The following DEPDC4 variants were observed in gnomAD, a reference collection of about 807,000 sequenced individuals.
DEPDC4 encodes the protein DEP domain-containing protein 4.
DEPDC4 carries 52 observed loss-of-function variants against 52.0 expected under a neutral mutation model. That is an observed-to-expected ratio of 1.00 (90% confidence interval 0.80 to 1.26). DEPDC4 has a LOEUF of 1.26. Ranked by LOEUF, DEPDC4 falls within the 50% of genes most tolerant of loss-of-function variation. The pLI, the probability that DEPDC4 is intolerant of heterozygous loss-of-function variation, is 0.00. For synonymous variants in DEPDC4, 201 were observed against 196.8 expected (o/e 1.02, Z -0.18); for missense variants, 530 against 546.9 (o/e 0.97, Z 0.31).
chr12:100,271,422 T>C (rs1375382771), upstream of DEPDC4, among the ~76,000 whole-genome samples: 2 of 152,220 alleles, frequency 1.3e-5, no homozygotes, highest in Non-Finnish European at 2.9e-5. Flanking sequence ...AATGTAATTC[T>C]TGAATGTAAT....
At chr12:100,236,223 A>G (rs10778047), downstream of DEPDC4, among the ~76,000 whole-genome samples, 32,429 of 152,108 alleles carry the variant, frequency 0.21, 3,796 homozygotes, top group African/African-American at 0.25. Context: ...TGGGATTGCT[A>G]AATCAAATGA....
At chr12:100,267,200 C>A, upstream of DEPDC4, 1 of 1,066,880 alleles carries the variant, frequency 9.4e-7, no homozygotes, top group Non-Finnish European at 1.3e-6. Flanking sequence ...CTCCCTTACT[C>A]TTCGTCCCCG....
At chr12:100,281,252 C>T in the DEPDC4 span, among the ~76,000 whole-genome samples, 8 of 152,084 alleles carry the variant, frequency 5.3e-5, no homozygotes, top group Middle Eastern at 3.4e-3. Context: ...TGGTCTTGAA[C>T]TCGTGAGCTC....
At chr12:100,254,868 T>A (rs565467028) in intron 4 of DEPDC4, among the ~76,000 whole-genome samples, 1 of 152,266 alleles carries the variant, frequency 6.6e-6, no homozygotes, top group African/African-American at 2.4e-5. Flanking sequence ...ACTATAGACA[T>A]GTGCTGTCTT....
At chr12:100,276,157 A>G in the DEPDC4 span, among the ~76,000 whole-genome samples, 1 of 152,188 alleles carries the variant, frequency 6.6e-6, no homozygotes, top group Non-Finnish European at 1.5e-5. Flanking sequence ...ACATAACATG[A>G]AATGGAAAGT....
rs565960357 is a variant in DEPDC4 at position 100,255,641 on chromosome 12, A to G, written c.878+408T>C. On this transcript the variant is annotated intron_variant, in intron 4 of 9. Transcript: ENST00000550587. Reference sequence around the variant, plus strand: ...AATCTCTTATCTACAAATTAGGCCGATTTTATGATAGGGCTTATCTTTCAG... The same window carrying G: ...AATCTCTTATCTACAAATTAGGCCGGTTTTATGATAGGGCTTATCTTTCAG... Among the ~76,000 whole-genome samples, 3 of 152,180 alleles carry G rather than the reference A, an allele frequency of 2.0e-5. No homozygotes were observed. The South Asian group carries it at 6.2e-4, about 32-fold the overall frequency.
the DEPDC4 span, among the ~76,000 whole-genome samples, chr12:100,274,729 G>A: frequency 6.6e-6 from 1 of 152,204 alleles, no homozygotes; most frequent in East Asian, 1.9e-4. Flanking sequence ...GAACAAAGAA[G>A]TGGTTAAGGA....
chr12:100,234,863 T>A (rs970415191), intron 9 of DEPDC4, among the ~76,000 whole-genome samples: 1 of 152,202 alleles, frequency 6.6e-6, no homozygotes, highest in African/African-American at 2.4e-5. Context: ...TAATTCTTTT[T>A]AAGCCTAATA....
At chr12:100,275,421 C>T in the DEPDC4 span, among the ~76,000 whole-genome samples, 1 of 152,112 alleles carries the variant, frequency 6.6e-6, no homozygotes, top group African/African-American at 2.4e-5. Context: ...ATCTCAAACT[C>T]CTGTACTCAA....
chr12:100,267,526 G>T (rs550945935), upstream of DEPDC4: 1 of 153,574 alleles, frequency 6.5e-6, no homozygotes, highest in South Asian at 1.9e-4. Context: ...GCTCAGGCTG[G>T]TGGGTGTTGC....
chr12:100,243,694 A>G (rs961002402), intron 8 of DEPDC4, among the ~76,000 whole-genome samples: 11 of 151,830 alleles, frequency 7.2e-5, no homozygotes, highest in African/African-American at 2.7e-4. Flanking sequence ...GCAGATCAGT[A>G]TGCTAAAATC....
At chr12:100,233,894 T>C (rs923838260) in intron 9 of DEPDC4, among the ~76,000 whole-genome samples, 1 of 152,150 alleles carries the variant, frequency 6.6e-6, no homozygotes, top group African/African-American at 2.4e-5. Flanking sequence ...AAAATTTTTT[T>C]TGGAGTTAGA....
chr12:100,236,474 G>T (rs956746409), downstream of DEPDC4, among the ~76,000 whole-genome samples: 6 of 151,886 alleles, frequency 4.0e-5, no homozygotes, highest in African/African-American at 1.5e-4. Flanking sequence ...ATGTTTGTTG[G>T]TCATTTGTAT....
At chr12:100,245,061 G>C (rs2096179428) in intron 8 of DEPDC4, among the ~76,000 whole-genome samples, 1 of 151,042 alleles carries the variant, frequency 6.6e-6, no homozygotes, top group African/African-American at 2.4e-5. Context: ...TAGTAGAGAT[G>C]GGGTTTCACT....
chr12:100,263,479 A>T lies in DEPDC4; in HGVS notation c.554+18T>A, dbSNP rs753240274. ...GGGTCTAAATAAAATATATTACAGT[A>T]TCTTAGGTAACACTAACCTCAAGGT... On this transcript the variant is annotated intron_variant, in intron 2 of 9. Transcript: ENST00000550587. 1 of 1,544,816 alleles carries T rather than the reference A, an allele frequency of 6.5e-7. No homozygotes were observed. Among genetic ancestry groups the T allele is most frequent in the Non-Finnish European group, 8.7e-7 (1 of 1,149,084 alleles).
chr12:100,233,858 A>C (rs894768901), intron 9 of DEPDC4, among the ~76,000 whole-genome samples: 5 of 152,238 alleles, frequency 3.3e-5, no homozygotes, highest in South Asian at 2.1e-4. Flanking sequence ...AAGTTATATA[A>C]GAAGAAAAAC....
chr12:100,245,423 TGCTGGGC>T (rs2096181009), intron 8 of DEPDC4, among the ~76,000 whole-genome samples: 1 of 152,086 alleles, frequency 6.6e-6, no homozygotes. Context: ...CCCACCACCA[TGCTGGGC>T]TAATCTTTGT....
At chr12:100,238,148 A>G, downstream of DEPDC4, 2 of 680,690 alleles carry the variant, frequency 2.9e-6, no homozygotes, top group Non-Finnish European at 3.6e-6. Flanking sequence ...AGATTAGGGC[A>G]GTTTTATCTT....
Position 100,253,520 on chromosome 12 carries a change from A to G in DEPDC4, c.1074T>C (p.Phe358=). ...GTTCAATAATTCCTGAATGAATATC[A>G]AAATACTCATCAGTTAATAGGCAAT... ...ERDCLLTDEY[F]DIHSGIIELL... The change falls in exon 5 of 10, where the codon TTT becomes TTC. Residue 358 remains phenylalanine (F), a synonymous_variant. Transcript: ENST00000550587. The G allele has an allele frequency of 1.6e-6, 2 of 1,283,554 alleles. No individual in the cohort carries two copies. The allele number at this position is 1,283,554 out of a possible 1,614,324, so 79.5% of individuals were successfully genotyped here.
Sources: gnomAD v4.1 joint callset for allele counts (sites outside exome capture counted in the v4.1 genomes callset) on GRCh38, gnomAD v4.1.1 for gene constraint, MANE v1.5 for transcripts, NCBI Gene and HGNC (gene_info 2026-07-23, HGNC 2026-07-21) for gene names.